The following TSC2 variants were observed in gnomAD, a reference collection of about 807,000 sequenced individuals.
TSC2 encodes the protein TSC complex subunit 2.
TSC2 carries 29 observed loss-of-function variants against 202.2 expected under a neutral mutation model. The ratio of observed to expected loss-of-function variants is 0.14; its 90% CI spans 0.11 to 0.20. The LOEUF is 0.20. Ranked by LOEUF, TSC2 falls within the 10% of genes least tolerant of loss-of-function variation. The pLI is 1.00. For missense variants in TSC2, 2,429 were observed against 2,420.0 expected (o/e 1.00, Z -0.08); for synonymous variants, 1,349 against 1,044.0 (o/e 1.29, Z -5.63).
intron 16 of TSC2, 89 bp from the exon 17 acceptor site, chr16:2,070,367 G>GT (rs944365397): frequency 6.2e-7 from 1 of 1,609,920 alleles, no homozygotes. Flanking sequence ...TAGAGCAGCC[G>GT]CCCCGGCCCC....
At chr16:2,070,935 G>A (rs2088235781) in intron 17 of TSC2, among the ~76,000 whole-genome samples, 1 of 151,916 alleles carries the variant, frequency 6.6e-6, no homozygotes, top group South Asian at 2.1e-4. Flanking sequence ...GGGCAGAGCT[G>A]AGAGGGCAGA....
Position 2,082,512 on chromosome 16 carries a change from C to G in TSC2, c.3883+8C>G, listed in dbSNP as rs45517316. On this transcript the variant is annotated splice_region_variant and intron_variant, in intron 32 of 41. Coordinates refer to ENST00000219476, the MANE Select transcript of TSC2 (RefSeq NM_000548.5). The stretch of plus-strand genomic sequence containing the variant: ...GGAGCGTTTCCTGGGCAGGTATCGC[C>G]TCTCAGAGGGAAGCGGTTGGCTGCA... 3,613 of 1,610,876 alleles carry G rather than the reference C, an allele frequency of 2.2e-3. 68 individuals are homozygous for G. The African/African-American group carries it at 0.042, about 19-fold the overall frequency.
At chr16:2,080,558 A>C in intron 30 of TSC2, 181 bp downstream of exon 30, 1 of 699,000 alleles carries the variant, frequency 1.4e-6, no homozygotes, top group Admixed American at 2.9e-5. Context: ...ATCTCGGCTC[A>C]CTGCAAGCTC....
rs2151430786 is a variant in TSC2 at position 2,079,056 on chromosome 16, T to A, written c.2991T>A (p.Ser997Arg). The A allele has an allele frequency of 6.2e-7, 1 of 1,612,884 alleles. No individual in the cohort carries two copies. Among genetic ancestry groups the A allele is most frequent in the Non-Finnish European group, 8.5e-7 (1 of 1,180,008 alleles). Reference sequence around the variant, plus strand: ...GCAGGATACAGACGTCCCTCACCAGTGCCAGCTTGGGGTCTGCAGATGAGA... The same window carrying A: ...GCAGGATACAGACGTCCCTCACCAGAGCCAGCTTGGGGTCTGCAGATGAGA... ...VRSRIQTSLT[S>R]ASLGSADENS... The change falls in exon 27 of 42, where the codon AGT becomes AGA. Residue 997 changes from serine to arginine, a missense_variant. Coordinates refer to ENST00000219476, the MANE Select transcript of TSC2 (RefSeq NM_000548.5). This position sits in a 1 kb window ranked among gnomAD's most constrained non-coding sequence, Gnocchi z 4.6.
intron 23 of TSC2, 30 bp downstream of exon 23, chr16:2,075,922 C>T (rs1489579222): frequency 1.9e-6 from 3 of 1,612,798 alleles, no homozygotes; most frequent in East Asian, 2.2e-5. Flanking sequence ...CCTGTGCCTC[C>T]CAGCCGTGGC....
intron 30 of TSC2, 171 bp from the exon 31 acceptor site, chr16:2,081,424 C>G (rs1226858503): frequency 1.2e-6 from 1 of 836,646 alleles, no homozygotes; most frequent in Non-Finnish European, 2.0e-6. Flanking sequence ...CTGAGCGGGG[C>G]AGCAGGGTGG....
chr16:2,072,741 C>G (rs1286595925), intron 20 of TSC2, 108 bp from the exon 21 acceptor site: 1 of 1,576,772 alleles, frequency 6.3e-7, no homozygotes, highest in African/African-American at 1.3e-5. Context: ...CTCCCCAGCC[C>G]CTTTGCCCCC....
At chr16:2,059,012 G>T in intron 10 of TSC2, 139 bp downstream of exon 10, 1 of 1,400,034 alleles carries the variant, frequency 7.1e-7, no homozygotes, top group Non-Finnish European at 9.8e-7. Flanking sequence ...CTTTGCAGCT[G>T]GGGGTGAGGT....
chr16:2,080,493 T>C lies in TSC2; in HGVS notation c.3610+116T>C, dbSNP rs1019474773. ...TGGGATATTTGGGGGTAACTTTTGT[T>C]TTTTTTTTGAGACAGAGTCTTGCTC... On this transcript the variant is annotated intron_variant, in intron 30 of 41. Coordinates refer to ENST00000219476, the MANE Select transcript of TSC2 (RefSeq NM_000548.5). 18 of 1,271,100 alleles carry C rather than the reference T, an allele frequency of 1.4e-5. No homozygotes were observed. The Admixed American group carries it at 3.3e-4, about 24-fold the overall frequency. 78.7% of individuals were successfully genotyped at this position (1,271,100 alleles called of 1,614,324 possible). A position where few individuals can be genotyped will look rare whatever the true frequency, so the allele number is the denominator to read the frequency against.
chr16:2,078,943 G>C, intron 26 of TSC2, 89 bp from the exon 27 acceptor site: 1 of 1,569,430 alleles, frequency 6.4e-7, no homozygotes, highest in Non-Finnish European at 8.7e-7. Flanking sequence ...GTCCTCAGCC[G>C]TGCATGCGTT....
At chr16:2,082,526 C>T (rs767807841) in intron 32 of TSC2, 22 bp downstream of exon 32, 16 of 1,608,778 alleles carry the variant, frequency 9.9e-6, no homozygotes, top group South Asian at 3.3e-5. Context: ...CAGAGGGAAG[C>T]GGTTGGCTGC....
chr16:2,084,763 A>C (rs775515582), intron 34 of TSC2, 48 bp downstream of exon 34: 1 of 1,598,368 alleles, frequency 6.3e-7, no homozygotes, highest in Non-Finnish European at 8.5e-7. Context: ...CTCCTGCGGG[A>C]ACCTGGTGCC....
Position 2,061,912 on chromosome 16 carries a change from G to A in TSC2, c.1161G>A (p.Leu387=), listed in dbSNP as rs781336082. ...AGCTCAGGACCATCGTCCATGACCT[G>A]TTGACCACGGTGGAGGAGCTGTGTG... ...SPELRTIVHD[L]LTTVEELCDQ... The change falls in exon 12 of 42, where the codon CTG becomes CTA. Residue 387 remains leucine, a synonymous_variant. Coordinates refer to ENST00000219476, the MANE Select transcript of TSC2 (RefSeq NM_000548.5). The A allele has an allele frequency of 6.2e-7, 1 of 1,614,208 alleles. No homozygotes were observed. Among genetic ancestry groups the A allele is most frequent in the African/African-American group, 1.3e-5 (1 of 75,054 alleles).
rs45517095 is a variant in TSC2, at chr16:2,050,466, A to G, written c.205A>G (p.Lys69Glu). 6.2e-7 allele frequency: 1 copy of G among 1,614,004 alleles called. No individual in the cohort carries two copies. The highest frequency in any genetic ancestry group is 1.1e-5 in the South Asian group (1 of 91,088). ...RMIGQICEVAKTKKFEEHAVE... is the reference protein window; with the variant it reads ...RMIGQICEVAETKKFEEHAVE... ...GATAGGGCAGATTTGTGAAGTCGCA[A>G]AAACCAAGAAATTTGAAGAGGTAGG... Residue 69 changes from lysine (K) to glutamate (E), a missense_variant, in exon 3 of 42, where the codon AAA (lysine) becomes GAA (glutamate). Physicochemically the swap from Lys to Glu is moderately conservative, Grantham distance 56 (BLOSUM62 1). Coordinates refer to ENST00000219476, the MANE Select transcript of TSC2 (RefSeq NM_000548.5).
chr16:2,084,566 C>G lies in TSC2; in HGVS notation c.4344C>G (p.Ser1448Arg). ...RGQPEGPLPS[S>R]SPRSPSGLRP... ...AGCCCGAGGGTCCCTTGCCTTCCAG[C>G]TCCCCCCGCTCGCCCAGTGGCCTCC... The change falls in exon 34 of 42, where the codon AGC becomes AGG. Residue 1448 changes from serine (S) to arginine (R), a missense_variant. Coordinates refer to ENST00000219476, the MANE Select transcript of TSC2 (RefSeq NM_000548.5). 1 of 1,607,934 alleles carries G rather than the reference C, an allele frequency of 6.2e-7. No homozygotes were observed. The highest frequency in any genetic ancestry group is 8.5e-7 in the Non-Finnish European group (1 of 1,179,666).
intron 13 of TSC2, 60 bp from the exon 14 acceptor site, chr16:2,062,912 G>T (rs2151168890): frequency 6.5e-7 from 1 of 1,529,620 alleles, no homozygotes. Flanking sequence ...AGGCAGACGG[G>T]CTGGTGTGGG....
rs373365980 is a variant in TSC2 at position 2,088,318 on chromosome 16, G to A, written c.5252G>A (p.Arg1751His). The A allele has an allele frequency of 2.1e-5, 34 of 1,612,476 alleles. No homozygotes were observed. Among genetic ancestry groups the A allele is most frequent in the East Asian group, 4.5e-5 (2 of 44,892 alleles). Reference sequence around the variant, plus strand: ...CGGCTCCGCCACATCAAGCGGCTCCGCCAGCGGGTAGGGAATATGGGGCTC... The same window carrying A: ...CGGCTCCGCCACATCAAGCGGCTCCACCAGCGGGTAGGGAATATGGGGCTC... Reference protein sequence around the residue: ...IARLRHIKRLRQRICEEAAYS... With the variant: ...IARLRHIKRLHQRICEEAAYS... The change falls in exon 41 of 42, where the codon CGC (arginine) becomes CAC (histidine). Residue 1751 changes from arginine to histidine, a missense_variant. Transcript: ENST00000219476.
At chr16:2,058,634 C>T in intron 9 of TSC2, 113 bp from the exon 10 acceptor site, 2 of 1,491,900 alleles carry the variant, frequency 1.3e-6, no homozygotes, top group Non-Finnish European at 1.8e-6. Context: ...CTGCCCCCCC[C>T]AAGCACAGGG....
chr16:2,063,227 C>T (rs981561841), intron 14 of TSC2, 174 bp downstream of exon 14: 21 of 787,746 alleles, frequency 2.7e-5, no homozygotes, highest in Admixed American at 2.5e-4. Context: ...CTGGCTTGCT[C>T]GTCCTGGGTG....
Sources: allele counts gnomAD v4.1 joint callset (sites outside exome capture counted in the v4.1 genomes callset), GRCh38; gene constraint gnomAD v4.1.1; non-coding constraint Gnocchi (gnomAD v3.1); transcripts MANE v1.5; gene names NCBI Gene and HGNC (gene_info 2026-07-23, HGNC 2026-07-21).